Variants in SOX30 observed in about 807,000 individuals in gnomAD.
SOX30 encodes the protein transcription factor SOX-30.
SOX30 carries 17 observed loss-of-function variants against 58.6 expected under a neutral mutation model. The ratio of observed to expected loss-of-function variants is 0.29; its 90% confidence interval spans 0.20 to 0.44. The LOEUF (loss-of-function observed/expected upper bound fraction) is 0.44, where lower values mean the gene tolerates loss of function less well. Among genes scored for constraint, SOX30 ranks in the 20% least tolerant of loss-of-function variants. The pLI is 1.00. For missense variants in SOX30, 951 were observed against 965.8 expected (o/e 0.98, Z 0.20); for synonymous variants, 421 against 400.2 (o/e 1.05, Z -0.62).
intron 1 of SOX30, among the ~76,000 whole-genome samples, chr5:157,669,581 A>G (rs1399963752): frequency 5.3e-5 from 8 of 151,494 alleles, no homozygotes; most frequent in African/African-American, 1.9e-4. Context: ...CAGTGGCACA[A>G]TCTTGGCTCA....
At chr5:157,635,666 G>C (rs1758911231) in intron 4 of SOX30, among the ~76,000 whole-genome samples, 1 of 151,870 alleles carries the variant, frequency 6.6e-6, no homozygotes. Context: ...ACTTTCAAGA[G>C]CTTCCTTTTA....
chr5:157,668,774 T>C (rs1270200147), intron 1 of SOX30, among the ~76,000 whole-genome samples: 4 of 151,964 alleles, frequency 2.6e-5, no homozygotes, highest in Non-Finnish European at 4.4e-5. Flanking sequence ...CTCTGAGAGG[T>C]TGGGGAGGTG....
chr5:157,646,548 T>TA, intron 3 of SOX30, 89 bp downstream of exon 3: 4 of 951,222 alleles, frequency 4.2e-6, no homozygotes, highest in Non-Finnish European at 6.3e-6. Flanking sequence ...TCCAAATTCT[T>TA]AAGACTAACA....
In SOX30 at chr5:157,626,681, A is replaced by T. The variant is rs1758664764; in HGVS notation, c.1921T>A (p.Phe641Ile). ...YSRPPFGYGN[F>I]PSSMPECLSY... is the part of the protein sequence containing the mutation. ...AGGCATTCTGGCATTGAACTCGGAA[A>T]ATTTCCATAGCCAAAGGGAGGCCGA... The change falls in exon 5 of 5, where the codon TTT (phenylalanine) becomes ATT (isoleucine). Residue 641 changes from phenylalanine to isoleucine, a missense_variant. Phe to Ile is a conservative substitution (Grantham distance 21). Transcript: ENST00000265007. 6.2e-7 allele frequency: 1 copy of T among 1,612,970 alleles called. No individual in the cohort carries two copies. Among genetic ancestry groups the T allele is most frequent in the Non-Finnish European group, 8.5e-7 (1 of 1,179,646 alleles).
In SOX30 at chr5:157,638,292, T is replaced by C; in HGVS notation, c.1818A>G (p.Thr606=). The C allele has an allele frequency of 6.3e-7, 1 of 1,587,004 alleles. No individual in the cohort carries two copies. Among genetic ancestry groups the C allele is most frequent in the Non-Finnish European group, 8.6e-7 (1 of 1,164,540 alleles). ...GGTGATGAAAAGAGAATCTTGGTGG[T>C]GTCCCGAACAGTGTGGCTGGATGGC... is the stretch of plus-strand genomic sequence containing the variant. ...PLGHPATLFG[T]PPRFSFHHPY... is the part of the protein sequence containing the mutation. Residue 606 remains threonine (T), a synonymous_variant, in exon 4 of 5, where the codon ACA becomes ACG. Coordinates refer to ENST00000265007, the MANE Select transcript of SOX30 (RefSeq NM_178424.2).
intron 1 of SOX30, among the ~76,000 whole-genome samples, chr5:157,650,715 A>G (rs1453019554): frequency 1.3e-5 from 2 of 152,158 alleles, no homozygotes; most frequent in African/African-American, 4.8e-5. Context: ...CACTTTTTTC[A>G]TTCAACACCA....
chr5:157,651,741 G>C lies in SOX30; in HGVS notation c.338C>G (p.Pro113Arg), dbSNP rs1235425246. 10 of 1,558,918 alleles carry C rather than the reference G, an allele frequency of 6.4e-6. No homozygotes were observed. The highest frequency in any genetic ancestry group is 2.4e-5 in the East Asian group (1 of 41,622). Residue 113 changes from proline to arginine, a missense_variant, in exon 1 of 5, where the codon CCG (proline) becomes CGG (arginine). Pro to Arg is a moderately radical substitution (Grantham distance 103, BLOSUM62 -2). Coordinates refer to ENST00000265007, the MANE Select transcript of SOX30 (RefSeq NM_178424.2). ...FRPDLRLLQP[P>R]TASDGATSRP... ...GGAGGTGGCGCCGTCTGACGCTGTC[G>C]GCGGCTGCAGGAGCCGCAGGTCGGG...
intron 1 of SOX30, among the ~76,000 whole-genome samples, chr5:157,668,770 G>A (rs1014956185): frequency 1.3e-5 from 2 of 152,202 alleles, no homozygotes; most frequent in Admixed American, 6.5e-5. Flanking sequence ...TCCACTCTGA[G>A]AGGTTGGGGA....
chr5:157,631,035 A>T (rs999121944), intron 4 of SOX30, among the ~76,000 whole-genome samples: 10 of 79,084 alleles, frequency 1.3e-4, no homozygotes, highest in East Asian at 7.0e-4. Flanking sequence ...ATATATATAC[A>T]ATATATATAT....
Position 157,635,613 on chromosome 5 carries a change from G to C in SOX30, c.1880+2617C>G, listed in dbSNP as rs567023798. Among the ~76,000 whole-genome samples, 10 of 151,048 alleles carry C rather than the reference G, an allele frequency of 6.6e-5. No homozygotes were observed. The East Asian group carries it at 1.9e-3, about 29-fold the overall frequency. ...CACTCCAGCCTGGGTGACAGAGCAA[G>C]ACTCTGTCTCAAAAAAAAAACAAAA... On this transcript the variant is annotated intron_variant, in intron 4 of 4. Transcript: ENST00000265007.
intron 4 of SOX30, among the ~76,000 whole-genome samples, chr5:157,634,420 T>C (rs1445120965): frequency 6.6e-6 from 1 of 152,070 alleles, no homozygotes; most frequent in Non-Finnish European, 1.5e-5. Context: ...TCTCACTAAA[T>C]TGCCCAGGCT....
upstream of SOX30, among the ~76,000 whole-genome samples, chr5:157,653,081 CTT>C (rs1759402696): frequency 2.0e-5 from 3 of 152,168 alleles, no homozygotes; most frequent in African/African-American, 7.2e-5. Flanking sequence ...GTTATTGAGT[CTT>C]TGGGTTTCAG....
chr5:157,634,044 A>G (rs904825717), intron 4 of SOX30, among the ~76,000 whole-genome samples: 1 of 152,202 alleles, frequency 6.6e-6, no homozygotes, highest in African/African-American at 2.4e-5. Context: ...CAAACACAAT[A>G]TGATGATGGT....
At chr5:157,641,580 T>G (rs1759063169) in intron 3 of SOX30, among the ~76,000 whole-genome samples, 1 of 152,126 alleles carries the variant, frequency 6.6e-6, no homozygotes, top group Non-Finnish European at 1.5e-5. Flanking sequence ...GCCACTGCAC[T>G]CCAACCTGGG....
In SOX30 at chr5:157,625,709, A is replaced by G. The variant is rs1178075124; in HGVS notation, c.*631T>C. ...TTTTATCTATGTTTATTTAATTACA[A>G]CAAAGAACGATGTATGCCAAATGGA... On this transcript the variant is annotated 3_prime_UTR_variant, in exon 5 of 5. Coordinates refer to ENST00000265007, the MANE Select transcript of SOX30 (RefSeq NM_178424.2). 2 of 152,662 alleles carry G rather than the reference A, an allele frequency of 1.3e-5. No homozygotes were observed. Among genetic ancestry groups the G allele is most frequent in the African/African-American group, 4.8e-5 (2 of 41,468 alleles). The allele number at this position is 152,662 out of a possible 1,614,324, so 9.5% of individuals were successfully genotyped here.
At position 157,638,465 on chromosome 5, in the gene SOX30, T is replaced by C; in HGVS notation, c.1645A>G (p.Ser549Gly). ...SLESANRISSSASTAHARFAT... is the reference protein window; with the variant it reads ...SLESANRISSGASTAHARFAT... ...AATCTGGCATGGGCAGTACTTGCAC[T>C]ACTTGAAATCCTGTTGGCGCTCTCT... is the stretch of plus-strand genomic sequence containing the variant. Residue 549 changes from serine to glycine, a missense_variant, in exon 4 of 5, where the codon AGT (serine) becomes GGT (glycine). Physicochemically the swap from Ser to Gly is moderately conservative, Grantham distance 56 (BLOSUM62 0). Around this residue, in one of 7 missense-constraint regions of SOX30, gnomAD observed 381 missense variants for 390.0 expected, o/e 0.98. Coordinates refer to ENST00000265007, the MANE Select transcript of SOX30 (RefSeq NM_178424.2). The C allele has an allele frequency of 1.2e-6, 2 of 1,614,180 alleles. No individual in the cohort carries two copies. The highest frequency in any genetic ancestry group is 1.7e-6 in the Non-Finnish European group (2 of 1,180,014).
chr5:157,667,300 T>G (rs138402914), intron 2 of SOX30, among the ~76,000 whole-genome samples: 1 of 152,252 alleles, frequency 6.6e-6, no homozygotes, highest in Non-Finnish European at 1.5e-5. Flanking sequence ...AGTGGACAGA[T>G]GAAAAGTACT....
At chr5:157,654,932 C>T (rs976238878), upstream of SOX30, among the ~76,000 whole-genome samples, 3 of 152,208 alleles carry the variant, frequency 2.0e-5, no homozygotes, top group African/African-American at 4.8e-5. Context: ...ACCAGCAGCC[C>T]TTGGGGTTGC....
chr5:157,666,536 C>G (rs1283045162), intron 2 of SOX30, among the ~76,000 whole-genome samples: 4 of 148,530 alleles, frequency 2.7e-5, no homozygotes, highest in Non-Finnish European at 5.9e-5. Flanking sequence ...CACCTCAGTT[C>G]AAATGAAATC....
Sources: gnomAD v4.1 joint callset for allele counts (sites outside exome capture counted in the v4.1 genomes callset) on GRCh38, gnomAD v4.1.1 for gene constraint, gnomAD v4.1.1 regional missense constraint, MANE v1.5 for transcripts, NCBI Gene and HGNC (gene_info 2026-07-23, HGNC 2026-07-21) for gene names.